LTBP3: variants seen among roughly 807,000 people sequenced by gnomAD.
LTBP3 encodes latent-transforming growth factor beta-binding protein 3.
A neutral mutation model predicts 159.7 loss-of-function variants in LTBP3; 97 were observed. That is an observed-to-expected ratio of 0.61 (90% CI 0.52 to 0.72). The LOEUF (loss-of-function observed/expected upper bound fraction) is 0.72. Ranked by LOEUF, LTBP3 falls within the 30% of genes least tolerant of loss-of-function variation. The pLI is 0.00. For synonymous variants in LTBP3, 824 were observed against 777.1 expected (o/e 1.06, Z -1.00); for missense variants, 1,584 against 1,864.3 (o/e 0.85, Z 2.77).
intron 11 of LTBP3, among the ~76,000 whole-genome samples, chr11:65,550,205 C>A (rs1348037936): frequency 2.0e-5 from 3 of 151,994 alleles, no homozygotes; most frequent in African/African-American, 7.3e-5. Flanking sequence ...GTCAGGAGAT[C>A]AAGACCATCC....
rs1359128656 is a variant in LTBP3, at chr11:65,539,733, C to T, written c.3534G>A (p.Pro1178=). The change falls in exon 25 of 28, where the codon CCG becomes CCA. Residue 1178 remains proline, a synonymous_variant. Transcript: ENST00000301873. Reference sequence around the variant, plus strand: ...CGACTGCCTTACCCGCGCCGCGCGGCGGGCACGGTCGGCATTGGGCGCCCC... The same window carrying T: ...CGACTGCCTTACCCGCGCCGCGCGGTGGGCACGGTCGGCATTGGGCGCCCC... ...RGWGAQCRPC[P]PRGAGSHCPT... 6 of 1,545,106 alleles carry T rather than the reference C, an allele frequency of 3.9e-6. No individual in the cohort carries two copies. Among genetic ancestry groups the T allele is most frequent in the African/African-American group, 1.4e-5 (1 of 73,636 alleles).
At chr11:65,541,470 C>A in intron 19 of LTBP3, 130 bp downstream of exon 19, 1 of 1,508,568 alleles carries the variant, frequency 6.6e-7, no homozygotes. Flanking sequence ...CCCCACCAGA[C>A]TCCCCCAGCC....
rs879333531 is a variant in LTBP3 at position 65,538,858 on chromosome 11, C to T, written c.*222G>A. ...TGATTTATCAGTTTCTAGGAAACAC[C>T]CTCTGGGAGGAAGGCAGGCAGCGCC... is the stretch of plus-strand genomic sequence containing the variant. On this transcript the variant is annotated 3_prime_UTR_variant, in exon 28 of 28. Transcript: ENST00000301873. 7 of 879,312 alleles carry T rather than the reference C, an allele frequency of 8.0e-6. No individual in the cohort carries two copies. The highest frequency in any genetic ancestry group is 3.8e-5 in the Admixed American group (1 of 26,652). The allele number at this position is 879,312 out of a possible 1,614,324, so 54.5% of individuals were successfully genotyped here.
At chr11:65,540,982 G>C in intron 20 of LTBP3, 28 bp from the exon 21 acceptor site, 1 of 1,606,424 alleles carries the variant, frequency 6.2e-7, no homozygotes, top group Non-Finnish European at 8.5e-7. Context: ...CCGTGGGGAG[G>C]GAAGAGGCAG....
intron 24 of LTBP3, 34 bp from the exon 25 acceptor site, chr11:65,539,915 C>T: frequency 6.7e-7 from 1 of 1,495,324 alleles, no homozygotes; most frequent in Non-Finnish European, 8.9e-7. Context: ...GGGAGGGGCC[C>T]AAGGCAGGAA....
At position 65,539,538 on chromosome 11, in the gene LTBP3, CA is replaced by C; in HGVS notation, c.3628+9del. The C allele has an allele frequency of 6.2e-7, 1 of 1,612,054 alleles. No homozygotes were observed. Among genetic ancestry groups the C allele is most frequent in the Non-Finnish European group, 8.5e-7 (1 of 1,179,020 alleles). The stretch of plus-strand genomic sequence containing the variant: ...CCAACCCCGCCACCGCCCGACCCGG[CA>C]GCACTCACCTCTTGGGGGCTTCCCC... On this transcript the variant is annotated intron_variant, in intron 26 of 27. Transcript: ENST00000301873.
In LTBP3 at chr11:65,552,177, C is replaced by T. The variant is rs1009234727; in HGVS notation, c.1346-20G>A. On this transcript the variant is annotated intron_variant, in intron 7 of 27. Transcript: ENST00000301873. The surrounding 1 kb of genome is among the most constrained non-coding windows in gnomAD (Gnocchi z 6.0). ...ACGCAGCTGCAGTCAAGACAGCAGACACAAAAGTGAGCATTTCCTGGACAG... is the reference window on the plus strand; with the variant it reads ...ACGCAGCTGCAGTCAAGACAGCAGATACAAAAGTGAGCATTTCCTGGACAG... 2 of 1,614,192 alleles carry T rather than the reference C, an allele frequency of 1.2e-6. No individual in the cohort carries two copies. The highest frequency in any genetic ancestry group is 1.7e-6 in the Non-Finnish European group (2 of 1,180,014).
Position 65,540,331 on chromosome 11 carries a change from T to C in LTBP3, c.3158A>G (p.Asn1053Ser). ...ESNCRNGVCE[N>S]TRGGYRCACT... The stretch of plus-strand genomic sequence containing the variant: ...GGCACAGCGGTAGCCGCCGCGCGTG[T>C]TCTCACACACTCCGTTCCGGCAGTT... The change falls in exon 23 of 28, where the codon AAC becomes AGC. Residue 1053 changes from asparagine (N) to serine (S), a missense_variant. This residue lies in a region of LTBP3 where 514 missense variants were observed against 530.3 expected (regional missense o/e 0.97). Transcript: ENST00000301873. 6.3e-7 allele frequency: 1 copy of C among 1,581,442 alleles called. No individual in the cohort carries two copies. Among genetic ancestry groups the C allele is most frequent in the Non-Finnish European group, 8.6e-7 (1 of 1,164,950 alleles).
At position 65,539,987 on chromosome 11, in the gene LTBP3, C is replaced by T. The variant is rs887593623; in HGVS notation, c.3385+26G>A. ...CACGTGACGGACAGGGCCCCGGGATCGGCCAAGGCCAACCCTCGCCCTCAC... is the reference window on the plus strand; with the variant it reads ...CACGTGACGGACAGGGCCCCGGGATTGGCCAAGGCCAACCCTCGCCCTCAC... On this transcript the variant is annotated intron_variant, in intron 24 of 27. Coordinates refer to ENST00000301873, the MANE Select transcript of LTBP3 (RefSeq NM_001130144.3). 16 of 1,458,974 alleles carry T rather than the reference C, an allele frequency of 1.1e-5. No homozygotes were observed. The Admixed American group carries it at 3.5e-4, about 32-fold the overall frequency. 90.4% of individuals were successfully genotyped at this position (1,458,974 alleles called of 1,614,324 possible).
In LTBP3 at chr11:65,540,894, T is replaced by C; in HGVS notation, c.2954A>G (p.Asn985Ser). Reference sequence around the variant, plus strand: ...ACCACGGTGGGCTGGGATGCCGTAGTTGACGATGTTGTTGTCCTGGGTGTA... The same window carrying C: ...ACCACGGTGGGCTGGGATGCCGTAGCTGACGATGTTGTTGTCCTGGGTGTA... ...KGYTQDNNIV[N>S]YGIPAHRDID... Residue 985 changes from asparagine (N) to serine (S), a missense_variant, in exon 21 of 28, where the codon AAC becomes AGC. Coordinates refer to ENST00000301873, the MANE Select transcript of LTBP3 (RefSeq NM_001130144.3). 1 of 1,613,254 alleles carries C rather than the reference T, an allele frequency of 6.2e-7. No individual in the cohort carries two copies. Among genetic ancestry groups the C allele is most frequent in the Non-Finnish European group, 8.5e-7 (1 of 1,179,682 alleles).
chr11:65,557,790 A>G lies in LTBP3; in HGVS notation c.170T>C (p.Leu57Pro). 1 of 1,584,930 alleles carries G rather than the reference A, an allele frequency of 6.3e-7. No individual in the cohort carries two copies. Among genetic ancestry groups the G allele is most frequent in the Admixed American group, 1.7e-5 (1 of 58,316 alleles). The change falls in exon 1 of 28, where the codon CTG (leucine) becomes CCG (proline). Residue 57 changes from leucine (L) to proline (P), a missense_variant. Leu to Pro is a moderately conservative substitution (Grantham distance 98, BLOSUM62 -3). Coordinates refer to ENST00000301873, the MANE Select transcript of LTBP3 (RefSeq NM_001130144.3). Reference protein sequence around the residue: ...GERGAGGGGALARERFKVVFA... With the variant: ...GERGAGGGGAPARERFKVVFA... Reference sequence around the variant, plus strand: ...GACCACCTTGAAGCGCTCGCGGGCCAGCGCCCCGCCCCCGCCTGCGCCCCG... The same window carrying G: ...GACCACCTTGAAGCGCTCGCGGGCCGGCGCCCCGCCCCCGCCTGCGCCCCG...
Position 65,539,337 on chromosome 11 carries a change from G to T in LTBP3, c.3751C>A (p.Arg1251Ser). The T allele has an allele frequency of 1.3e-6, 2 of 1,494,158 alleles. No individual in the cohort carries two copies. Among genetic ancestry groups the T allele is most frequent in the South Asian group, 2.4e-5 (2 of 82,384 alleles). The allele number at this position is 1,494,158 out of a possible 1,614,324, so 92.6% of individuals were successfully genotyped here. ...CCGAAGCCCGGCTCACCCACGCAGC[G>T]GGCGCGGGAGGCGTCGAGCTGGAAG... ...GGFQLDASRA[R>S]CVDIDECREL... The change falls in exon 27 of 28, where the codon CGC (arginine) becomes AGC (serine). Residue 1251 changes from arginine (R) to serine (S), a missense_variant. Arg to Ser is a moderately radical substitution (Grantham distance 110, BLOSUM62 -1). This residue lies in a region of LTBP3 where 514 missense variants were observed against 530.3 expected (regional missense o/e 0.97). Transcript: ENST00000301873.
chr11:65,543,561 A>G lies in LTBP3; in HGVS notation c.2354-12T>C, dbSNP rs1230675636. 2 of 1,613,922 alleles carry G rather than the reference A, an allele frequency of 1.2e-6. No individual in the cohort carries two copies. The highest frequency in any genetic ancestry group is 1.7e-6 in the Non-Finnish European group (2 of 1,179,888). On this transcript the variant is annotated splice_polypyrimidine_tract_variant and intron_variant, in intron 16 of 27. Coordinates refer to ENST00000301873, the MANE Select transcript of LTBP3 (RefSeq NM_001130144.3). ...ACACTCGTCCACATCTGCAGGGCAT[A>G]GGGGGTGTCAGAGGACCAGGCTGGG...
Position 65,540,398 on chromosome 11 carries a change from G to C in LTBP3, c.3107-16C>G. On this transcript the variant is annotated splice_polypyrimidine_tract_variant and intron_variant, in intron 22 of 27. Coordinates refer to ENST00000301873, the MANE Select transcript of LTBP3 (RefSeq NM_001130144.3). ...TCGTCCACGTCTGCAGGGAGGAAAA[G>C]CGTGGGTAGCAGGGGCAGGCCCGGG... is the stretch of plus-strand genomic sequence containing the variant. 1 of 1,604,180 alleles carries C rather than the reference G, an allele frequency of 6.2e-7. No homozygotes were observed. The highest frequency in any genetic ancestry group is 8.5e-7 in the Non-Finnish European group (1 of 1,176,128).
intron 16 of LTBP3, chr11:65,544,723 A>C (rs1305112924): frequency 6.6e-6 from 1 of 152,498 alleles, no homozygotes; most frequent in Non-Finnish European, 1.5e-5. Flanking sequence ...GAGAGAATTA[A>C]AGGTAATCCC....
intron 25 of LTBP3, 34 bp from the exon 26 acceptor site, chr11:65,539,662 G>C: frequency 5.7e-6 from 9 of 1,587,560 alleles, no homozygotes; most frequent in Non-Finnish European, 7.7e-6. Context: ...CGACGTCCGG[G>C]TCCCCGGGCC....
chr11:65,545,324 G>A lies in LTBP3; in HGVS notation c.2353+1118C>T, dbSNP rs181962852. 205 of 211,464 alleles carry A rather than the reference G, an allele frequency of 9.7e-4. 2 individuals are homozygous for A. The highest frequency in any genetic ancestry group is 3.3e-3 in the East Asian group (47 of 14,298). 13.1% of individuals were successfully genotyped at this position (211,464 alleles called of 1,614,324 possible). Reference sequence around the variant, plus strand: ...AACCCACCTTGGGTTGGCTAAGCAGGCCCACCCAAGACTCCATAGCTCCCC... The same window carrying A: ...AACCCACCTTGGGTTGGCTAAGCAGACCCACCCAAGACTCCATAGCTCCCC... On this transcript the variant is annotated intron_variant, in intron 16 of 27. Coordinates refer to ENST00000301873, the MANE Select transcript of LTBP3 (RefSeq NM_001130144.3).
At chr11:65,540,413 G>T (rs1433142095) in intron 22 of LTBP3, 31 bp from the exon 23 acceptor site, 4 of 1,606,826 alleles carry the variant, frequency 2.5e-6, no homozygotes, top group Admixed American at 3.4e-5. Context: ...GGTAGCAGGG[G>T]CAGGCCCGGG....
At chr11:65,549,726 C>G (rs1856526650) in intron 11 of LTBP3, among the ~76,000 whole-genome samples, 1 of 144,664 alleles carries the variant, frequency 6.9e-6, no homozygotes, top group East Asian at 2.0e-4. Context: ...CCACAGTTTC[C>G]CAGTTTTCAC....
Sources: gnomAD v4.1 joint callset for allele counts (sites outside exome capture counted in the v4.1 genomes callset) on GRCh38, gnomAD v4.1.1 for gene constraint, gnomAD v4.1.1 regional missense constraint, Gnocchi (gnomAD v3.1) non-coding constraint, MANE v1.5 for transcripts, NCBI Gene and HGNC (gene_info 2026-07-23, HGNC 2026-07-21) for gene names.